ZMIZ1: variants seen among roughly 807,000 people sequenced by gnomAD.
The protein encoded by ZMIZ1 is zinc finger MIZ-type containing 1.
ZMIZ1 carries 17 observed loss-of-function variants against 113.9 expected under a neutral mutation model. The observed-to-expected ratio is 0.15, with a 90% CI of 0.10 to 0.22. ZMIZ1 has a LOEUF of 0.22. Ranked by LOEUF, ZMIZ1 falls within the 10% of genes least tolerant of loss-of-function variation. The probability of loss-of-function intolerance (pLI) is 1.00; values close to 1 mark genes in which losing one functional copy is unlikely to be tolerated. For missense variants in ZMIZ1, 1,059 were observed against 1,477.8 expected, an observed-to-expected ratio of 0.72 and a Z score of 4.65; for synonymous variants, 607 against 603.1, an observed-to-expected ratio of 1.01 and a Z score of -0.09.
intron 4 of ZMIZ1, among the ~76,000 whole-genome samples, chr10:79,175,654 A>C (rs1177498794): frequency 7.3e-6 from 1 of 136,238 alleles, no homozygotes; most frequent in African/African-American, 2.9e-5. Flanking sequence ...ACCCGCATGT[A>C]TGTGTCCCTC....
intron 5 of ZMIZ1, among the ~76,000 whole-genome samples, chr10:79,202,199 AAAAAAAAAAAAAAAAG>A (rs1174864766): frequency 7.1e-6 from 1 of 141,542 alleles, no homozygotes; most frequent in Non-Finnish European, 1.6e-5. Flanking sequence ...GAAAAAAAAA[AAAAAAAAAAAAAAAAG>A]AAAGAAAGAA....
intron 10 of ZMIZ1, 55 bp downstream of exon 10, chr10:79,291,231 C>A: frequency 6.6e-7 from 1 of 1,512,070 alleles, no homozygotes. Context: ...CTTCCTCCTT[C>A]CAGTGGGGAG....
chr10:79,151,962 G>T (rs372790015), intron 3 of ZMIZ1, among the ~76,000 whole-genome samples: 3 of 152,098 alleles, frequency 2.0e-5, no homozygotes, highest in African/African-American at 7.2e-5. Context: ...CTCGCCCGCC[G>T]CCATCTGGGC....
intron 4 of ZMIZ1, among the ~76,000 whole-genome samples, chr10:79,174,730 G>A (rs188923783): frequency 2.0e-4 from 30 of 152,368 alleles, no homozygotes; most frequent in African/African-American, 7.0e-4. Flanking sequence ...GAGTTTGGGG[G>A]AGGAGTGCAC....
At chr10:79,293,048 C>T (rs1052795615) in intron 11 of ZMIZ1, among the ~76,000 whole-genome samples, 1 of 152,122 alleles carries the variant, frequency 6.6e-6, no homozygotes, top group Non-Finnish European at 1.5e-5. Flanking sequence ...CCTCCCATAC[C>T]CCTCCCTGTC....
At position 79,283,806 on chromosome 10, in the gene ZMIZ1, G is replaced by A. The variant is rs570566600; in HGVS notation, c.426-5969G>A. 5.9e-5 allele frequency among the ~76,000 whole-genome samples: 9 copies of A among 152,232 alleles called. No individual in the cohort carries two copies. In the East Asian group the frequency reaches 1.5e-3, roughly 26 times the overall value. On this transcript the variant is annotated intron_variant, in intron 8 of 24. Coordinates refer to ENST00000334512, the MANE Select transcript of ZMIZ1 (RefSeq NM_020338.4). ...GCTGCACAAGTTCCTAAGTTTCACCGCAGGGAGGGAAGGAAGTAGGCCCCA... is the reference window on the plus strand; with the variant it reads ...GCTGCACAAGTTCCTAAGTTTCACCACAGGGAGGGAAGGAAGTAGGCCCCA...
chr10:79,301,378 C>T (rs758234325), intron 17 of ZMIZ1, among the ~76,000 whole-genome samples: 42 of 152,132 alleles, frequency 2.8e-4, no homozygotes, highest in Non-Finnish European at 5.1e-4. Flanking sequence ...TAACGCGTTC[C>T]CTTCTTTCCC....
intron 7 of ZMIZ1, among the ~76,000 whole-genome samples, chr10:79,253,332 G>A (rs1850664744): frequency 6.6e-6 from 1 of 152,174 alleles, no homozygotes; most frequent in Non-Finnish European, 1.5e-5. Context: ...GTGAGTTTGT[G>A]CAGGCTTACA....
rs192924310 is a variant in ZMIZ1, at chr10:79,091,601, C to A, written c.-337+22331C>A. ...GGGAGGGGCCTCCTGGAGGAGGGGG[C>A]ATTTAAGGGCTGCACTGAGGATGGA... On this transcript the variant is annotated intron_variant, in intron 1 of 24. Transcript: ENST00000334512. Among the ~76,000 whole-genome samples the A allele has an allele frequency of 5.5e-4, 83 of 152,060 alleles. No homozygotes were observed. In the East Asian group the frequency reaches 0.013, roughly 23 times the overall value.
chr10:79,254,687 G>A (rs191591223), intron 7 of ZMIZ1, among the ~76,000 whole-genome samples: 140 of 152,342 alleles, frequency 9.2e-4, no homozygotes, highest in African/African-American at 3.2e-3. Flanking sequence ...TTTGGGTGGG[G>A]GATGGCCTTC....
intron 8 of ZMIZ1, among the ~76,000 whole-genome samples, chr10:79,288,098 G>A (rs1672951022): frequency 6.6e-6 from 1 of 152,210 alleles, no homozygotes; most frequent in African/African-American, 2.4e-5. Context: ...GGCAGGGGAG[G>A]GGCAAGTATG....
chr10:79,147,417 A>G (rs1042696993), intron 3 of ZMIZ1, among the ~76,000 whole-genome samples: 2 of 152,148 alleles, frequency 1.3e-5, no homozygotes, highest in African/African-American at 4.8e-5. Context: ...CACCATGTGT[A>G]TGGCCCCTGG....
In ZMIZ1 at chr10:79,154,432, C is replaced by G. The variant is rs1338271456; in HGVS notation, c.-130-7621C>G. On this transcript the variant is annotated intron_variant, in intron 3 of 24. Coordinates refer to ENST00000334512, the MANE Select transcript of ZMIZ1 (RefSeq NM_020338.4). ...ATAGGGCCAGGTGGTTGGCACCAAGCAGAGTGGGCAGAGGCAAGAGGCAAA... is the reference window on the plus strand; with the variant it reads ...ATAGGGCCAGGTGGTTGGCACCAAGGAGAGTGGGCAGAGGCAAGAGGCAAA... Among the ~76,000 whole-genome samples, 3 of 152,160 alleles carry G rather than the reference C, an allele frequency of 2.0e-5. No homozygotes were observed. In the East Asian group the frequency reaches 5.8e-4, roughly 29 times the overall value.
chr10:79,219,073 G>T (rs1848857791), intron 7 of ZMIZ1, among the ~76,000 whole-genome samples: 1 of 152,150 alleles, frequency 6.6e-6, no homozygotes, highest in Non-Finnish European at 1.5e-5. Flanking sequence ...CCTGGATGTA[G>T]GTGGCCAGTT....
chr10:79,093,293 A>AT (rs1197994532), intron 1 of ZMIZ1, among the ~76,000 whole-genome samples: 236 of 3,864 alleles, frequency 0.061, 1 homozygote, highest in African/African-American at 0.16. Context: ...GTTTTATTTT[A>AT]TTTATTTATT....
rs1032881992 is a variant in ZMIZ1, at chr10:79,300,845, G to A, written c.1922G>A (p.Arg641His). Reference sequence around the variant, plus strand: ...AACGCCACGCCCCTCACCATTGAGCGCGGCGACAACAAGACCTCCCACAAG... The same window carrying A: ...AACGCCACGCCCCTCACCATTGAGCACGGCGACAACAAGACCTCCCACAAG... ...SVNATPLTIE[R>H]GDNKTSHKPL... The change falls in exon 17 of 25, where the codon CGC (arginine) becomes CAC (histidine). Residue 641 changes from arginine to histidine, a missense_variant. Coordinates refer to ENST00000334512, the MANE Select transcript of ZMIZ1 (RefSeq NM_020338.4). 2 of 1,613,716 alleles carry A rather than the reference G, an allele frequency of 1.2e-6. No individual in the cohort carries two copies. The highest frequency in any genetic ancestry group is 1.7e-6 in the Non-Finnish European group (2 of 1,179,994).
intron 4 of ZMIZ1, among the ~76,000 whole-genome samples, chr10:79,192,872 G>A (rs1043629999): frequency 3.3e-5 from 5 of 152,180 alleles, no homozygotes; most frequent in African/African-American, 4.8e-5. Flanking sequence ...CAGTTGTCCT[G>A]CTAAGAGCTG....
intron 7 of ZMIZ1, among the ~76,000 whole-genome samples, chr10:79,222,030 CAG>C (rs1172408869): frequency 6.6e-6 from 1 of 152,236 alleles, no homozygotes; most frequent in Non-Finnish European, 1.5e-5. Flanking sequence ...CGTCAGAACT[CAG>C]GAGAGTGGTG....
chr10:79,287,789 G>A (rs1235994564), intron 8 of ZMIZ1, among the ~76,000 whole-genome samples: 1 of 152,230 alleles, frequency 6.6e-6, no homozygotes, highest in Non-Finnish European at 1.5e-5. Flanking sequence ...ATCATCTGAT[G>A]CCCATTTTAC....
Sources: allele counts gnomAD v4.1 joint callset (sites outside exome capture counted in the v4.1 genomes callset), GRCh38; gene constraint gnomAD v4.1.1; transcripts MANE v1.5; gene names NCBI Gene and HGNC (gene_info 2026-07-23, HGNC 2026-07-21).